OAS1: variants seen among roughly 807,000 people sequenced by gnomAD.
The protein encoded by OAS1 is 2'-5'-oligoadenylate synthase 1.
OAS1 carries 24 observed loss-of-function variants against 38.5 expected under a neutral mutation model. The ratio of observed to expected loss-of-function variants is 0.62; its 90% confidence interval spans 0.45 to 0.88. The LOEUF is 0.88. OAS1 is among the 40% of genes least tolerant of loss of function. OAS1 has a pLI of 0.00. For synonymous variants in OAS1, 169 were observed against 193.9 expected, an observed-to-expected ratio of 0.87 and a Z score of 1.07; for missense variants, 482 against 493.9, an observed-to-expected ratio of 0.98 and a Z score of 0.23.
Position 112,919,698 on chromosome 12 carries a change from T to C in OAS1, c.*145T>C. 6.5e-7 allele frequency: 1 copy of C among 1,543,224 alleles called. No individual in the cohort carries two copies. The highest frequency in any genetic ancestry group is 8.8e-7 in the Non-Finnish European group (1 of 1,141,168). On this transcript the variant is annotated 3_prime_UTR_variant, in exon 6 of 6. Transcript: ENST00000202917. ...GACAGAACCCAGGTCTCCTGACTCCTGGCCTTCTATGCCCTCTATCCTATC... is the reference window on the plus strand; with the variant it reads ...GACAGAACCCAGGTCTCCTGACTCCCGGCCTTCTATGCCCTCTATCCTATC...
Position 112,917,579 on chromosome 12 carries a change from G to C in OAS1, c.917G>C (p.Gly306Ala). The change falls in exon 5 of 6, where the codon GGA becomes GCA. Residue 306 changes from glycine (G) to alanine (A), a missense_variant. By Grantham distance (60) the Gly-to-Ala change is moderately conservative. Transcript: ENST00000202917. ...PVILDPADPT[G>A]NLGGGDPKGW... ...ATCCTGGACCCGGCGGACCCTACAG[G>C]AAACTTGGGTGGTGGAGACCCAAAG... The C allele has an allele frequency of 1.2e-6, 2 of 1,614,210 alleles. No homozygotes were observed. The highest frequency in any genetic ancestry group is 1.7e-6 in the Non-Finnish European group (2 of 1,180,044).
downstream of OAS1, among the ~76,000 whole-genome samples, chr12:112,921,854 C>T (rs1040568980): frequency 6.6e-6 from 1 of 152,190 alleles, no homozygotes; most frequent in Non-Finnish European, 1.5e-5. Context: ...ATCCCCATGA[C>T]CTTCCTCACT....
At chr12:112,916,460 C>T (rs1275234965) in intron 3 of OAS1, 49 bp from the exon 4 acceptor site, 3 of 1,491,594 alleles carry the variant, frequency 2.0e-6, no homozygotes, top group Non-Finnish European at 2.8e-6. Flanking sequence ...GTAGTTTACA[C>T]AAAAGTTGAG....
intron 3 of OAS1, 48 bp from the exon 4 acceptor site, chr12:112,916,461 A>C (rs1290905420): frequency 1.5e-5 from 23 of 1,504,228 alleles, no homozygotes; most frequent in Non-Finnish European, 2.0e-5. Context: ...TAGTTTACAC[A>C]AAAGTTGAGC....
downstream of OAS1, among the ~76,000 whole-genome samples, chr12:112,920,851 T>G (rs1258749094): frequency 6.6e-6 from 1 of 152,186 alleles, no homozygotes; most frequent in East Asian, 1.9e-4. Flanking sequence ...GTTGTTATTC[T>G]CATAATATTA....
At chr12:112,932,442 A>C, downstream of OAS1, 1 of 152,872 alleles carries the variant, frequency 6.5e-6, no homozygotes, top group Non-Finnish European at 1.5e-5. Context: ...AAATACAAAA[A>C]TTAGCCGGGC....
intron 6 of OAS1, among the ~76,000 whole-genome samples, chr12:112,931,233 A>T (rs1409039013): frequency 1.3e-5 from 2 of 152,232 alleles, no homozygotes; most frequent in African/African-American, 4.8e-5. Context: ...GGCACATGCT[A>T]GGGACCTTAC....
At chr12:112,925,571 G>T (rs994173930) in intron 6 of OAS1, among the ~76,000 whole-genome samples, 2 of 152,200 alleles carry the variant, frequency 1.3e-5, no homozygotes, top group Non-Finnish European at 2.9e-5. Flanking sequence ...AGGATTGCTT[G>T]AGCCCAGGAG....
At chr12:112,909,727 C>G (rs1178535425) in intron 2 of OAS1, among the ~76,000 whole-genome samples, 1 of 152,124 alleles carries the variant, frequency 6.6e-6, no homozygotes, top group Non-Finnish European at 1.5e-5. Flanking sequence ...GAAGGCACCT[C>G]AAAACACCAC....
chr12:112,916,493 T>G lies in OAS1; in HGVS notation c.655-16T>G, dbSNP rs775924434. ...GAGCAAACCAATTTTTTTCTGATTG[T>G]TTTTCCTCTTCTCAGTGTAAGAAGA... On this transcript the variant is annotated splice_polypyrimidine_tract_variant and intron_variant, in intron 3 of 5. Coordinates refer to ENST00000202917, the MANE Select transcript of OAS1 (RefSeq NM_016816.4). 1 of 1,607,356 alleles carries G rather than the reference T, an allele frequency of 6.2e-7. No homozygotes were observed. Among genetic ancestry groups the G allele is most frequent in the East Asian group, 2.2e-5 (1 of 44,814 alleles).
intron 6 of OAS1, among the ~76,000 whole-genome samples, chr12:112,930,646 CCCTTTGGT>C (rs2043591716): frequency 1.3e-5 from 2 of 152,238 alleles, no homozygotes; most frequent in Non-Finnish European, 2.9e-5. Context: ...GACTAAGGTC[CCCTTTGGT>C]CCCTGCCAAT....
intron 6 of OAS1, among the ~76,000 whole-genome samples, chr12:112,929,488 C>T (rs1188140545): frequency 6.6e-6 from 1 of 152,152 alleles, no homozygotes; most frequent in Non-Finnish European, 1.5e-5. Context: ...GAGTTTGTTG[C>T]ATATTCTGTT....
chr12:112,916,614 G>C lies in OAS1; in HGVS notation c.760G>C (p.Gly254Arg). 6.2e-7 allele frequency: 1 copy of C among 1,614,086 alleles called. No homozygotes were observed. Among genetic ancestry groups the C allele is most frequent in the African/African-American group, 1.3e-5 (1 of 74,986 alleles). The change falls in exon 4 of 6, where the codon GGA becomes CGA. Residue 254 changes from glycine to arginine, a missense_variant. Coordinates refer to ENST00000202917, the MANE Select transcript of OAS1 (RefSeq NM_016816.4). ...GAAAACACATTTCAACACAGCCCAG[G>C]GATTTCGGACGGTCTTGGAATTAGT... ...SMKTHFNTAQ[G>R]FRTVLELVIN...
intron 3 of OAS1, among the ~76,000 whole-genome samples, chr12:112,914,089 C>A (rs1201225012): frequency 1.3e-5 from 2 of 152,112 alleles, no homozygotes; most frequent in African/African-American, 4.8e-5. Context: ...CTTGCCACAC[C>A]CCACCCTTTC....
chr12:112,923,979 A>G (rs1007923494), downstream of OAS1, among the ~76,000 whole-genome samples: 9 of 152,226 alleles, frequency 5.9e-5, no homozygotes, highest in Non-Finnish European at 1.3e-4. Context: ...CTTAGGGGAA[A>G]ACTTCATGAC....
At chr12:112,912,172 T>A (rs999234428) in intron 3 of OAS1, among the ~76,000 whole-genome samples, 1 of 152,172 alleles carries the variant, frequency 6.6e-6, no homozygotes, top group Non-Finnish European at 1.5e-5. Context: ...ACCTCGTCTC[T>A]ACAAAATAAA....
rs577996384 is a variant in OAS1, at chr12:112,931,781, G to C, written c.1168-97G>C. 7.5e-4 allele frequency: 425 copies of C among 566,390 alleles called. 1 individual carries two copies. The East Asian group carries it at 0.012, about 16-fold the overall frequency. 35.1% of individuals were successfully genotyped at this position (566,390 alleles called of 1,614,324 possible). On this transcript the variant is annotated intron_variant, in intron 6 of 6. Coordinates refer to the OAS1 transcript ENST00000540589. ...AAGACCTAGGGTCTCCTGACTGCCA[G>C]AGTGGAGATGCTTCTATAGGCTTTT...
At chr12:112,914,063 G>A (rs1345676933) in intron 3 of OAS1, among the ~76,000 whole-genome samples, 1 of 152,160 alleles carries the variant, frequency 6.6e-6, no homozygotes, top group Non-Finnish European at 1.5e-5. Context: ...TGTACCCAAT[G>A]TGTAATCTTT....
intron 2 of OAS1, among the ~76,000 whole-genome samples, chr12:112,910,590 T>C (rs955517522): frequency 4.6e-5 from 7 of 151,804 alleles, no homozygotes; most frequent in Non-Finnish European, 1.0e-4. Flanking sequence ...GAAGCAGCAA[T>C]GACCATGGCA....
Sources: gnomAD v4.1 joint callset for allele counts (sites outside exome capture counted in the v4.1 genomes callset) on GRCh38, gnomAD v4.1.1 for gene constraint, MANE v1.5 for transcripts, NCBI Gene and HGNC (gene_info 2026-07-23, HGNC 2026-07-21) for gene names.